Variants in PLPP7 observed in about 807,000 individuals in gnomAD.
PLPP7 encodes phospholipid phosphatase 7 (inactive), also known as inactive phospholipid phosphatase 7.
In PLPP7, 11 loss-of-function variants were observed where a neutral mutation model predicts 16.9. The ratio of observed to expected loss-of-function variants is 0.65; its 90% CI spans 0.41 to 1.08. The LOEUF is 1.08. PLPP7 is among the 50% of genes least tolerant of loss of function. PLPP7 has a pLI of 0.00. For missense variants in PLPP7, 358 were observed against 397.1 expected (o/e 0.90, Z 0.84); for synonymous variants, 174 against 175.1 (o/e 0.99, Z 0.05).
At position 131,289,784 on chromosome 9, in the gene PLPP7, C is replaced by T. The variant is rs1272820119; in HGVS notation, c.-214C>T. The T allele has an allele frequency of 2.4e-5, 10 of 410,314 alleles. No individual in the cohort carries two copies. Among genetic ancestry groups the T allele is most frequent in the Admixed American group, 8.8e-5 (2 of 22,696 alleles). 25.4% of individuals were successfully genotyped at this position (410,314 alleles called of 1,614,324 possible). ...GGTGCAGGCCCCGCATTGGAGGGCTCGATTGGCTGCCCGGCTGGCACTGAC... is the reference window on the plus strand; with the variant it reads ...GGTGCAGGCCCCGCATTGGAGGGCTTGATTGGCTGCCCGGCTGGCACTGAC... On this transcript the variant is annotated 5_prime_UTR_variant, in exon 1 of 2. Coordinates refer to ENST00000372264, the MANE Select transcript of PLPP7 (RefSeq NM_032728.4).
intron 1 of PLPP7, among the ~76,000 whole-genome samples, chr9:131,292,101 T>C (rs1835684041): frequency 6.6e-6 from 1 of 152,164 alleles, no homozygotes. Context: ...TGCTGTGCCA[T>C]GGGCGTGGGA....
At chr9:131,291,223 G>T in intron 1 of PLPP7, 4 of 1,350,246 alleles carry the variant, frequency 3.0e-6, no homozygotes, top group Non-Finnish European at 4.0e-6. Context: ...GGCACCACCA[G>T]GTCCCCAAGG....
intron 1 of PLPP7, among the ~76,000 whole-genome samples, chr9:131,304,648 A>G (rs1835834263): frequency 6.6e-6 from 1 of 152,116 alleles, no homozygotes; most frequent in African/African-American, 2.4e-5. Context: ...AAAATAAAGA[A>G]AAAGAAAAGG....
At position 131,308,454 on chromosome 9, in the gene PLPP7, C is replaced by A; in HGVS notation, c.*167C>A. On this transcript the variant is annotated 3_prime_UTR_variant, in exon 2 of 2. Transcript: ENST00000372264. Reference sequence around the variant, plus strand: ...TGGAGGCTGGCGAACCCAGGCCACCCCTCCCGGAGACAAGCGTGTTTGGCA... The same window carrying A: ...TGGAGGCTGGCGAACCCAGGCCACCACTCCCGGAGACAAGCGTGTTTGGCA... 1 of 1,143,406 alleles carries A rather than the reference C, an allele frequency of 8.7e-7. No homozygotes were observed. Among genetic ancestry groups the A allele is most frequent in the Non-Finnish European group, 1.2e-6 (1 of 834,414 alleles). 70.8% of individuals were successfully genotyped at this position (1,143,406 alleles called of 1,614,324 possible). A position where few individuals can be genotyped will look rare whatever the true frequency, so the allele number is the denominator to read the frequency against.
intron 1 of PLPP7, among the ~76,000 whole-genome samples, chr9:131,299,488 G>A (rs539156943): frequency 1.3e-5 from 2 of 152,292 alleles, no homozygotes; most frequent in East Asian, 3.9e-4. Flanking sequence ...TCAAGGCCTG[G>A]CTGCGCTGGA....
rs1835655144 is a variant in PLPP7 at position 131,290,303 on chromosome 9, G to A, written c.306G>A (p.Arg102=). ...AGCGGCTGGGGGTGTGCGCTGGCCG[G>A]GCGGCGTCCTGGGCCAGTGCCCGCT... The part of the protein sequence containing the change: ...MSKRLGVCAG[R]AASWASARSM... Residue 102 remains arginine, a synonymous_variant, in exon 1 of 2, where the codon CGG becomes CGA. Coordinates refer to ENST00000372264, the MANE Select transcript of PLPP7 (RefSeq NM_032728.4). The surrounding 1 kb of genome is among the most constrained non-coding windows in gnomAD (Gnocchi z 4.2). 1 of 1,612,070 alleles carries A rather than the reference G, an allele frequency of 6.2e-7. No individual in the cohort carries two copies. Among genetic ancestry groups the A allele is most frequent in the Admixed American group, 1.7e-5 (1 of 59,958 alleles).
At chr9:131,304,248 G>C (rs961252201) in intron 1 of PLPP7, among the ~76,000 whole-genome samples, 1 of 152,196 alleles carries the variant, frequency 6.6e-6, no homozygotes, top group Admixed American at 6.5e-5. Flanking sequence ...TTCCTCTCTC[G>C]GCACAGAAAG....
At chr9:131,301,486 C>G (rs1339433046) in intron 1 of PLPP7, among the ~76,000 whole-genome samples, 1 of 152,228 alleles carries the variant, frequency 6.6e-6, no homozygotes, top group Non-Finnish European at 1.5e-5. Flanking sequence ...CACCAACCAC[C>G]ACCACCAGGA....
intron 1 of PLPP7, among the ~76,000 whole-genome samples, chr9:131,306,069 C>T (rs1385785280): frequency 1.3e-5 from 2 of 152,030 alleles, no homozygotes; most frequent in Non-Finnish European, 2.9e-5. Context: ...AACCCCGTCT[C>T]TACTAAAAAT....
In PLPP7 at chr9:131,309,172, GC is replaced by G. The variant is rs1835891309; in HGVS notation, c.*887del. On this transcript the variant is annotated 3_prime_UTR_variant, in exon 2 of 2. Transcript: ENST00000372264. ...ATCGATGAGGCTTTGGCCCCCAGGGGCCGGACTCCGTGTGACCTAATAGGTC... is the reference window on the plus strand; with the variant it reads ...ATCGATGAGGCTTTGGCCCCCAGGGGCGGACTCCGTGTGACCTAATAGGTC... 6.6e-6 allele frequency: 1 copy of G among 152,668 alleles called. No individual in the cohort carries two copies. Among genetic ancestry groups the G allele is most frequent in the African/African-American group, 2.4e-5 (1 of 41,466 alleles). 9.5% of individuals were successfully genotyped at this position (152,668 alleles called of 1,614,324 possible). A position where few individuals can be genotyped will look rare whatever the true frequency, so the allele number is the denominator to read the frequency against.
chr9:131,302,243 C>T lies in PLPP7; in HGVS notation c.452-5680C>T, dbSNP rs968728908. Among the ~76,000 whole-genome samples, 61 of 152,206 alleles carry T rather than the reference C, an allele frequency of 4.0e-4. 1 individual carries two copies. Among genetic ancestry groups the T allele is most frequent in the Non-Finnish European group, 2.1e-4 (14 of 68,042 alleles). ...CCAGAGCCTTCAGATTTAACCCCCTCCCCATGAACTGCCTTCCCTCGCCAG... is the reference window on the plus strand; with the variant it reads ...CCAGAGCCTTCAGATTTAACCCCCTTCCCATGAACTGCCTTCCCTCGCCAG... On this transcript the variant is annotated intron_variant, in intron 1 of 1. Coordinates refer to ENST00000372264, the MANE Select transcript of PLPP7 (RefSeq NM_032728.4).
intron 1 of PLPP7, among the ~76,000 whole-genome samples, chr9:131,303,939 T>C (rs1835826380): frequency 6.6e-6 from 1 of 152,144 alleles, no homozygotes; most frequent in Non-Finnish European, 1.5e-5. Context: ...CACACTGCAC[T>C]GTGGGTGTTG....
At chr9:131,292,065 G>A (rs112719883) in intron 1 of PLPP7, among the ~76,000 whole-genome samples, 172 of 152,348 alleles carry the variant, frequency 1.1e-3, no homozygotes, top group African/African-American at 3.8e-3. Context: ...GGCTCCAGCT[G>A]ACACACAGGC....
At position 131,295,299 on chromosome 9, in the gene PLPP7, G is replaced by A. The variant is rs931989295; in HGVS notation, c.451+4851G>A. On this transcript the variant is annotated intron_variant, in intron 1 of 1. Transcript: ENST00000372264. This position sits in a 1 kb window ranked among gnomAD's most constrained non-coding sequence, Gnocchi z 4.0. ...CTCCCGAGTAGCTGGGATTACAGGTGCCCGCCACCACGACTGGCTAATTTT... is the reference window on the plus strand; with the variant it reads ...CTCCCGAGTAGCTGGGATTACAGGTACCCGCCACCACGACTGGCTAATTTT... 2.0e-5 allele frequency among the ~76,000 whole-genome samples: 3 copies of A among 151,712 alleles called. No individual in the cohort carries two copies. The highest frequency in any genetic ancestry group is 2.9e-5 in the Non-Finnish European group (2 of 67,944).
At chr9:131,305,918 C>A (rs1172248908) in intron 1 of PLPP7, among the ~76,000 whole-genome samples, 1 of 152,006 alleles carries the variant, frequency 6.6e-6, no homozygotes, top group African/African-American at 2.4e-5. Flanking sequence ...TGTGACCCAC[C>A]GTGCCCAGCC....
At chr9:131,302,874 G>C (rs555801149) in intron 1 of PLPP7, among the ~76,000 whole-genome samples, 73 of 152,334 alleles carry the variant, frequency 4.8e-4, no homozygotes, top group African/African-American at 1.7e-3. Context: ...CTCCAGGGAG[G>C]ACTGCGTGAT....
intron 1 of PLPP7, chr9:131,291,269 G>A (rs965207135): frequency 1.5e-5 from 19 of 1,289,826 alleles, no homozygotes; most frequent in Admixed American, 4.5e-5. Flanking sequence ...CGCCAGGCCC[G>A]CATCGATTTC....
chr9:131,299,536 C>T (rs1835773095), intron 1 of PLPP7, among the ~76,000 whole-genome samples: 2 of 152,114 alleles, frequency 1.3e-5, no homozygotes, highest in Non-Finnish European at 2.9e-5. Context: ...CAGGAAAGGG[C>T]AGAGTGGGGT....
At position 131,302,938 on chromosome 9, in the gene PLPP7, C is replaced by A. The variant is rs143035565; in HGVS notation, c.452-4985C>A. The stretch of plus-strand genomic sequence containing the variant: ...CAGTTAGGTGCACCACAGTGCCTCA[C>A]ACCCTGCAGCAAGGGGATCGGGGGT... On this transcript the variant is annotated intron_variant, in intron 1 of 1. Transcript: ENST00000372264. 1.3e-3 allele frequency among the ~76,000 whole-genome samples: 194 copies of A among 152,320 alleles called. 2 individuals carry two copies. The highest frequency in any genetic ancestry group is 8.9e-3 in the East Asian group (46 of 5,182).
Sources: gnomAD v4.1 joint callset for allele counts (sites outside exome capture counted in the v4.1 genomes callset) on GRCh38, gnomAD v4.1.1 for gene constraint, Gnocchi (gnomAD v3.1) non-coding constraint, MANE v1.5 for transcripts, NCBI Gene and HGNC (gene_info 2026-07-23, HGNC 2026-07-21) for gene names.